Variants in CELF2 observed in about 807,000 individuals in gnomAD.
CELF2 encodes CUG triplet repeat RNA-binding protein 2.
In CELF2, 8 loss-of-function variants were observed where a neutral mutation model predicts 62.6. The ratio of observed to expected loss-of-function variants is 0.13; its 90% CI spans 0.07 to 0.23. CELF2 has a LOEUF of 0.23. Among genes scored for constraint, CELF2 ranks in the 10% least tolerant of loss-of-function variants. CELF2 has a pLI of 1.00. For synonymous variants in CELF2, 258 were observed against 250.0 expected, an observed-to-expected ratio of 1.03 and a Z score of -0.30; for missense variants, 333 against 671.0, an observed-to-expected ratio of 0.50 and a Z score of 5.56.
upstream of CELF2, among the ~76,000 whole-genome samples, chr10:10,795,681 AG>A (rs2054099692): frequency 6.6e-6 from 1 of 152,232 alleles, no homozygotes; most frequent in South Asian, 2.1e-4. Flanking sequence ...AGAAATTTGC[AG>A]TATGTGATAG....
At chr10:10,540,060 G>A in the CELF2 span, among the ~76,000 whole-genome samples, 1 of 152,094 alleles carries the variant, frequency 6.6e-6, no homozygotes, top group Non-Finnish European at 1.5e-5. Context: ...AAATACTTGA[G>A]GCAGCTAAAA....
the CELF2 span, among the ~76,000 whole-genome samples, chr10:10,731,384 T>A: frequency 1.3e-5 from 2 of 152,220 alleles, no homozygotes; most frequent in East Asian, 3.8e-4. Flanking sequence ...TTTTCTTGAA[T>A]TTCCATGTCT....
At chr10:10,918,101 C>T (rs889770912) in intron 1 of CELF2, 3 of 152,234 alleles carry the variant, frequency 2.0e-5, no homozygotes, top group Non-Finnish European at 4.4e-5. Flanking sequence ...TCATTCATTC[C>T]TGATAAGATG....
chr10:10,848,289 T>C (rs1205860314), intron 1 of CELF2, among the ~76,000 whole-genome samples: 1 of 152,168 alleles, frequency 6.6e-6, no homozygotes, highest in Non-Finnish European at 1.5e-5. Flanking sequence ...AGTAGAGCTA[T>C]TTTACCCATC....
chr10:10,987,680 C>T (rs1265065935), intron 2 of CELF2, among the ~76,000 whole-genome samples: 1 of 151,858 alleles, frequency 6.6e-6, no homozygotes, highest in Non-Finnish European at 1.5e-5. Context: ...AACACATCAC[C>T]TCAGTAGATC....
At position 11,199,257 on chromosome 10, in the gene CELF2, C is replaced by T. The variant is rs558270062; in HGVS notation, c.272-18168C>T. The stretch of plus-strand genomic sequence containing the variant: ...TATGAGATGCATCACCTTGTTTCTG[C>T]GATGTTATCTTCTACTCCCCGATTC... On this transcript the variant is annotated intron_variant, in intron 2 of 12. Coordinates refer to ENST00000633077, the MANE Select transcript of CELF2 (RefSeq NM_001326342.2). 1.1e-4 allele frequency among the ~76,000 whole-genome samples: 16 copies of T among 152,274 alleles called. No individual in the cohort carries two copies. The South Asian group carries it at 1.5e-3, about 14-fold the overall frequency.
intron 7 of CELF2, among the ~76,000 whole-genome samples, chr10:11,273,065 T>G (rs1029811136): frequency 2.0e-5 from 3 of 152,162 alleles, no homozygotes; most frequent in Non-Finnish European, 4.4e-5. Flanking sequence ...TTCCTCTTTC[T>G]GTGTGCGTGA....
chr10:10,743,972 C>T, the CELF2 span, among the ~76,000 whole-genome samples: 1 of 152,136 alleles, frequency 6.6e-6, no homozygotes, highest in Non-Finnish European at 1.5e-5. Flanking sequence ...GTAAAATGTT[C>T]TTAGTAACTT....
At chr10:11,197,117 T>C (rs1301680109) in intron 2 of CELF2, among the ~76,000 whole-genome samples, 1 of 149,528 alleles carries the variant, frequency 6.7e-6, no homozygotes, top group Non-Finnish European at 1.5e-5. Flanking sequence ...TGTTCTCGCA[T>C]TCATTGTCTG....
At chr10:11,099,881 CAACAAAAAAA>C (rs1437273348) in intron 1 of CELF2, among the ~76,000 whole-genome samples, 1 of 133,772 alleles carries the variant, frequency 7.5e-6, no homozygotes, top group East Asian at 2.5e-4. Context: ...ACAACAACAA[CAACAAAAAAA>C]AAAAAAAAAA....
At chr10:11,262,476 G>A (rs542057422) in intron 5 of CELF2, among the ~76,000 whole-genome samples, 1 of 152,256 alleles carries the variant, frequency 6.6e-6, no homozygotes, top group South Asian at 2.1e-4. Flanking sequence ...GAACTTTGGC[G>A]ACATGCCCCC....
rs187371767 is a variant in CELF2, at chr10:10,888,223, G to A, written c.54-31741G>A. Among the ~76,000 whole-genome samples, 16 of 152,326 alleles carry A rather than the reference G, an allele frequency of 1.1e-4. No individual in the cohort carries two copies. In the East Asian group the frequency reaches 2.9e-3, roughly 28 times the overall value. ...GATGTAAATGGTGAAAAATCACCTT[G>A]GGTTAGATGGGAGCAGAAAGAACAT... On this transcript the variant is annotated intron_variant, in intron 1 of 13. Coordinates refer to the CELF2 transcript ENST00000636488.
chr10:10,656,919 A>T, the CELF2 span, among the ~76,000 whole-genome samples: 2 of 44,696 alleles, frequency 4.5e-5, no homozygotes, highest in Admixed American at 2.1e-4. Flanking sequence ...TAGAATCAAT[A>T]AAAAAAAAAA....
chr10:10,838,735 T>C (rs1170158050), intron 1 of CELF2, among the ~76,000 whole-genome samples: 1 of 152,184 alleles, frequency 6.6e-6, no homozygotes, highest in African/African-American at 2.4e-5. Context: ...TTTTGTTTTG[T>C]TATATTTTGA....
chr10:11,139,007 T>C (rs2060875462), intron 1 of CELF2, among the ~76,000 whole-genome samples: 1 of 152,218 alleles, frequency 6.6e-6, no homozygotes, highest in Non-Finnish European at 1.5e-5. Context: ...ATTTATTCTA[T>C]TTTTTGGAAA....
intron 1 of CELF2, among the ~76,000 whole-genome samples, chr10:11,155,020 C>A (rs569721695): frequency 6.6e-6 from 1 of 152,158 alleles, no homozygotes. Flanking sequence ...ACATTTGATA[C>A]GCCACTGTGT....
At chr10:10,516,835 T>A in the CELF2 span, among the ~76,000 whole-genome samples, 1 of 152,000 alleles carries the variant, frequency 6.6e-6, no homozygotes, top group African/African-American at 2.4e-5. Flanking sequence ...TCCCTTTCAG[T>A]TCTTCTGGAA....
chr10:11,192,091 T>C (rs978179703), intron 2 of CELF2, among the ~76,000 whole-genome samples: 1 of 152,226 alleles, frequency 6.6e-6, no homozygotes. Flanking sequence ...AGGAGCCAGC[T>C]GTCCCACCTG....
chr10:10,656,171 A>T, the CELF2 span, among the ~76,000 whole-genome samples: 1 of 145,862 alleles, frequency 6.9e-6, no homozygotes, highest in African/African-American at 2.5e-5. Context: ...CCACAATGAG[A>T]TACCATCTCA....
Sources: gnomAD v4.1 joint callset for allele counts (sites outside exome capture counted in the v4.1 genomes callset) on GRCh38, gnomAD v4.1.1 for gene constraint, MANE v1.5 for transcripts, NCBI Gene and HGNC (gene_info 2026-07-23, HGNC 2026-07-21) for gene names.